TXNRD3: variants seen among roughly 807,000 people sequenced by gnomAD.
The protein encoded by TXNRD3 is TXNRD3 neighbor gene protein.
A neutral mutation model predicts 78.2 loss-of-function variants in TXNRD3; 68 were observed. That is an observed-to-expected ratio of 0.87 (90% confidence interval 0.72 to 1.06). The LOEUF (loss-of-function observed/expected upper bound fraction) is 1.06, where lower values mean the gene tolerates loss of function less well. Ranked by LOEUF, TXNRD3 falls within the 50% of genes least tolerant of loss-of-function variation. TXNRD3 has a pLI of 0.00. For synonymous variants in TXNRD3, 296 were observed against 300.1 expected (o/e 0.99, Z 0.14); for missense variants, 751 against 809.5 (o/e 0.93, Z 0.88).
intron 12 of TXNRD3, among the ~76,000 whole-genome samples, chr3:126,617,211 C>G (rs183356248): frequency 6.6e-6 from 1 of 152,268 alleles, no homozygotes; most frequent in Admixed American, 6.5e-5. Flanking sequence ...TTCTTATAGG[C>G]TTCTTTCCGT....
intron 15 of TXNRD3, among the ~76,000 whole-genome samples, chr3:126,608,266 C>T (rs1174843635): frequency 6.6e-6 from 1 of 152,014 alleles, no homozygotes; most frequent in Non-Finnish European, 1.5e-5. Flanking sequence ...GAGGCTGAGG[C>T]GGGAGAATCA....
chr3:126,641,169 C>T (rs1376608066), intron 6 of TXNRD3, among the ~76,000 whole-genome samples: 1 of 152,220 alleles, frequency 6.6e-6, no homozygotes, highest in South Asian at 2.1e-4. Context: ...CTATGGCACA[C>T]ATATTCCAGC....
intron 8 of TXNRD3, 73 bp downstream of exon 8, chr3:126,631,691 G>T: frequency 3.3e-6 from 3 of 919,682 alleles, no homozygotes; most frequent in Non-Finnish European, 5.0e-6. Flanking sequence ...AATAAGACAG[G>T]AAGTAAACTG....
chr3:126,639,142 G>A (rs1164878074), intron 6 of TXNRD3, among the ~76,000 whole-genome samples: 4 of 152,204 alleles, frequency 2.6e-5, no homozygotes, highest in Non-Finnish European at 5.9e-5. Context: ...TTTTGAAACA[G>A]TGTAGATATT....
chr3:126,644,585 G>T (rs924128271), intron 3 of TXNRD3, among the ~76,000 whole-genome samples, 184 bp from the exon 4 acceptor site: 6 of 152,192 alleles, frequency 3.9e-5, no homozygotes, highest in Non-Finnish European at 8.8e-5. Context: ...CAACTAGTTA[G>T]AACTTATACC....
At chr3:126,644,237 A>T in intron 4 of TXNRD3, 60 bp downstream of exon 4, 1 of 1,434,898 alleles carries the variant, frequency 7.0e-7, no homozygotes, top group Non-Finnish European at 9.4e-7. Context: ...AAGTAGCAGA[A>T]GAAATAGCTA....
chr3:126,647,427 T>G (rs1405906469), intron 1 of TXNRD3, 131 bp from the exon 2 acceptor site: 4 of 662,548 alleles, frequency 6.0e-6, no homozygotes, highest in South Asian at 4.1e-5. Flanking sequence ...GTGTGGTTTT[T>G]GTTTTTGTTT....
chr3:126,634,674 T>C (rs1019162618), intron 6 of TXNRD3, among the ~76,000 whole-genome samples: 8 of 152,204 alleles, frequency 5.3e-5, no homozygotes, highest in Non-Finnish European at 8.8e-5. Flanking sequence ...ATTTACTGCA[T>C]AGTGTTCACC....
intron 6 of TXNRD3, among the ~76,000 whole-genome samples, chr3:126,641,789 C>T (rs555875433): frequency 3.8e-4 from 58 of 152,234 alleles, no homozygotes; most frequent in Non-Finnish European, 7.4e-5. Flanking sequence ...ATTACTTAAT[C>T]TTTTACATTC....
At chr3:126,635,017 G>A (rs1938820621) in intron 6 of TXNRD3, among the ~76,000 whole-genome samples, 1 of 152,100 alleles carries the variant, frequency 6.6e-6, no homozygotes, top group South Asian at 2.1e-4. Flanking sequence ...TTGCAACCCA[G>A]AATAGTCGTT....
intron 14 of TXNRD3, among the ~76,000 whole-genome samples, chr3:126,609,398 G>A (rs907016698): frequency 7.9e-5 from 12 of 152,176 alleles, no homozygotes; most frequent in African/African-American, 2.7e-4. Flanking sequence ...ACTCCAGAGG[G>A]GAGGCAGGCA....
At position 126,644,052 on chromosome 3, in the gene TXNRD3, TC is replaced by T; in HGVS notation, c.520del (p.Glu174LysfsTer12). On this transcript the variant is annotated frameshift_variant and splice_region_variant, in exon 5 of 16. Transcript: ENST00000524230. LOFTEE classifies it high-confidence loss of function. ...AACTTTCTTTCCCAAAATGGCAGCT[TC>T]CTACAAACGAACAACAACAAAAATT... is the stretch of plus-strand genomic sequence containing the variant. The T allele has an allele frequency of 3.3e-6, 5 of 1,535,992 alleles. No homozygotes were observed. The highest frequency in any genetic ancestry group is 4.4e-6 in the Non-Finnish European group (5 of 1,146,866).
chr3:126,650,301 G>A (rs1395072862), intron 1 of TXNRD3, among the ~76,000 whole-genome samples: 2 of 152,204 alleles, frequency 1.3e-5, no homozygotes, highest in African/African-American at 4.8e-5. Flanking sequence ...AGCGTGAGAT[G>A]ACTTTTCTTT....
intron 6 of TXNRD3, among the ~76,000 whole-genome samples, chr3:126,637,004 C>A (rs899154722): frequency 6.6e-6 from 1 of 151,652 alleles, no homozygotes; most frequent in African/African-American, 2.4e-5. Context: ...TCCAATGTGG[C>A]CGAGGGAAGT....
chr3:126,642,877 A>C (rs975931832), intron 5 of TXNRD3, among the ~76,000 whole-genome samples: 2 of 152,216 alleles, frequency 1.3e-5, no homozygotes, highest in African/African-American at 4.8e-5. Context: ...TCTGCCAGAA[A>C]ATTTTTTCTA....
At chr3:126,654,699 C>G in intron 1 of TXNRD3, 49 bp downstream of exon 1, 2 of 1,206,690 alleles carry the variant, frequency 1.7e-6, no homozygotes, top group Non-Finnish European at 2.1e-6. Context: ...GTGGCGTCCG[C>G]GTGGCGGGCC....
intron 6 of TXNRD3, among the ~76,000 whole-genome samples, chr3:126,640,945 T>A (rs747490325): frequency 6.6e-6 from 1 of 150,562 alleles, no homozygotes; most frequent in Non-Finnish European, 1.5e-5. Context: ...CTATGCCTGA[T>A]AACAAAATCA....
At chr3:126,619,943 TAAGAGCCACATGTACTGAAGCGTCAA>T (rs1301675171) in intron 12 of TXNRD3, among the ~76,000 whole-genome samples, 72 of 152,192 alleles carry the variant, frequency 4.7e-4, no homozygotes, top group African/African-American at 1.7e-3. Flanking sequence ...TTAAGCGTCA[TAAGAGCCACATGTACTGAAGCGTCAA>T]AAGAGCCACA....
Position 126,645,167 on chromosome 3 carries a change from G to T in TXNRD3, c.415-766C>A, listed in dbSNP as rs112009372. Reference sequence around the variant, plus strand: ...CCATGTGTCCCCATGAAGAATGGGTGCCCAAGAAGGTTTTAGGGACATTCT... The same window carrying T: ...CCATGTGTCCCCATGAAGAATGGGTTCCCAAGAAGGTTTTAGGGACATTCT... On this transcript the variant is annotated intron_variant, in intron 3 of 15. Coordinates refer to ENST00000524230, the MANE Select transcript of TXNRD3 (RefSeq NM_052883.3). 1.7e-3 allele frequency among the ~76,000 whole-genome samples: 263 copies of T among 152,304 alleles called. 1 individual carries two copies. Among genetic ancestry groups the T allele is most frequent in the Non-Finnish European group, 2.9e-3 (194 of 68,028 alleles).
Sources: allele counts gnomAD v4.1 joint callset (sites outside exome capture counted in the v4.1 genomes callset), GRCh38; gene constraint gnomAD v4.1.1; transcripts MANE v1.5; gene names NCBI Gene and HGNC (gene_info 2026-07-23, HGNC 2026-07-21).